ITFG1: variants seen among roughly 807,000 people sequenced by gnomAD.
The protein encoded by ITFG1 is T-cell immunomodulatory protein.
Under a neutral mutation model 81.8 loss-of-function variants are expected in ITFG1, and 34 were observed. The observed-to-expected ratio is 0.42, with a 90% CI of 0.32 to 0.55. The LOEUF is 0.55. ITFG1 is among the 20% of genes least tolerant of loss of function. The probability of loss-of-function intolerance (pLI) is 0.17; values close to 1 mark genes in which losing one functional copy is unlikely to be tolerated. For synonymous variants in ITFG1, 285 were observed against 270.6 expected (o/e 1.05, Z -0.52); for missense variants, 672 against 755.4 (o/e 0.89, Z 1.29).
intron 8 of ITFG1, among the ~76,000 whole-genome samples, chr16:47,351,194 TTG>T (rs1967948669): frequency 6.6e-6 from 1 of 152,138 alleles, no homozygotes; most frequent in Non-Finnish European, 1.5e-5. Flanking sequence ...CAACATAGTG[TTG>T]GAAGTTCTGG....
intron 10 of ITFG1, among the ~76,000 whole-genome samples, chr16:47,286,077 T>C (rs17811404): frequency 0.017 from 2,562 of 152,198 alleles, 23 homozygotes; most frequent in Middle Eastern, 0.031. Flanking sequence ...TTGGGGCAAG[T>C]TGGGTTCCCT....
chr16:47,402,970 T>C (rs1567487856), intron 6 of ITFG1, among the ~76,000 whole-genome samples: 1 of 152,204 alleles, frequency 6.6e-6, no homozygotes, highest in Non-Finnish European at 1.5e-5. Flanking sequence ...ACTGCACTAT[T>C]ATAATAAGAA....
intron 6 of ITFG1, among the ~76,000 whole-genome samples, chr16:47,385,454 TA>T (rs1347425334): frequency 6.6e-6 from 1 of 152,206 alleles, no homozygotes. Flanking sequence ...AAGTAGTCCC[TA>T]AACTTAATAT....
intron 8 of ITFG1, among the ~76,000 whole-genome samples, chr16:47,361,405 T>A (rs1968107388): frequency 6.6e-6 from 1 of 152,186 alleles, no homozygotes; most frequent in Admixed American, 6.5e-5. Context: ...ATTGACTTTT[T>A]GTCCTATATA....
chr16:47,185,382 T>C (rs1453410499), intron 14 of ITFG1, among the ~76,000 whole-genome samples: 1 of 151,448 alleles, frequency 6.6e-6, no homozygotes, highest in Non-Finnish European at 1.5e-5. Flanking sequence ...TGGAAGTAAA[T>C]GTAAAAGAAC....
At chr16:47,175,671 GT>G (rs1965016360) in intron 14 of ITFG1, among the ~76,000 whole-genome samples, 2 of 152,152 alleles carry the variant, frequency 1.3e-5, no homozygotes, top group African/African-American at 4.8e-5. Context: ...TATTTGTGGG[GT>G]CTTATGATAC....
intron 12 of ITFG1, among the ~76,000 whole-genome samples, chr16:47,239,263 C>G (rs1003122362): frequency 6.6e-6 from 1 of 151,752 alleles, no homozygotes; most frequent in Non-Finnish European, 1.5e-5. Context: ...TGCAGTGGCA[C>G]GATCTTGGCT....
intron 6 of ITFG1, among the ~76,000 whole-genome samples, chr16:47,392,227 C>T (rs556739689): frequency 1.6e-4 from 24 of 151,906 alleles, no homozygotes; most frequent in African/African-American, 5.5e-4. Flanking sequence ...CAGCACCAGG[C>T]AACATAAAGA....
chr16:47,271,390 C>G (rs1966338296), intron 10 of ITFG1, among the ~76,000 whole-genome samples: 1 of 152,162 alleles, frequency 6.6e-6, no homozygotes, highest in African/African-American at 2.4e-5. Context: ...CATTAGACAA[C>G]TGCAAATCAA....
At chr16:47,458,423 T>C (rs1163335805) in intron 2 of ITFG1, among the ~76,000 whole-genome samples, 1 of 152,186 alleles carries the variant, frequency 6.6e-6, no homozygotes, top group Non-Finnish European at 1.5e-5. Context: ...TCAAGTTCCA[T>C]GACTCTGGAA....
At chr16:47,399,298 G>A (rs1968629628) in intron 6 of ITFG1, among the ~76,000 whole-genome samples, 1 of 152,226 alleles carries the variant, frequency 6.6e-6, no homozygotes, top group Admixed American at 6.5e-5. Flanking sequence ...AAGTGGCCGG[G>A]TGCAGTGGCT....
chr16:47,337,160 GA>G (rs1426922111), intron 8 of ITFG1, among the ~76,000 whole-genome samples: 5 of 142,986 alleles, frequency 3.5e-5, no homozygotes, highest in South Asian at 4.6e-4. Context: ...AAAAGAAAAA[GA>G]AAAAAAAAGA....
At chr16:47,198,307 G>T (rs181293614) in intron 14 of ITFG1, among the ~76,000 whole-genome samples, 1 of 152,230 alleles carries the variant, frequency 6.6e-6, no homozygotes, top group East Asian at 1.9e-4. Context: ...AAAAGATGGT[G>T]GTCCCATAAA....
chr16:47,403,957 G>GTTCC, intron 6 of ITFG1, among the ~76,000 whole-genome samples: 1 of 151,604 alleles, frequency 6.6e-6, no homozygotes, highest in East Asian at 1.9e-4. Context: ...CAAGCTCAGG[G>GTTCC]TTCCCACTGA....
chr16:47,445,599 T>C (rs1183361636), intron 5 of ITFG1, among the ~76,000 whole-genome samples: 1 of 152,210 alleles, frequency 6.6e-6, no homozygotes, highest in Non-Finnish European at 1.5e-5. Flanking sequence ...GCATTCAATT[T>C]TGCCGTGCCT....
intron 13 of ITFG1, among the ~76,000 whole-genome samples, chr16:47,226,628 T>G (rs1965761536): frequency 1.3e-5 from 2 of 150,128 alleles, no homozygotes; most frequent in Admixed American, 1.3e-4. Flanking sequence ...CGGTGTTTGG[T>G]TTTTTCTCCT....
chr16:47,256,248 T>G (rs554226505), intron 12 of ITFG1, among the ~76,000 whole-genome samples: 4 of 152,312 alleles, frequency 2.6e-5, no homozygotes, highest in African/African-American at 9.6e-5. Flanking sequence ...GACTGATTTT[T>G]TTTTGAGATG....
At chr16:47,327,272 A>T (rs1328318973) in intron 8 of ITFG1, among the ~76,000 whole-genome samples, 1 of 152,248 alleles carries the variant, frequency 6.6e-6, no homozygotes, top group Admixed American at 6.5e-5. Context: ...GGCTAGCCAT[A>T]TATAGAAAGC....
chr16:47,222,182 G>A (rs1173371472), intron 13 of ITFG1, among the ~76,000 whole-genome samples: 2 of 151,270 alleles, frequency 1.3e-5, no homozygotes, highest in African/African-American at 4.9e-5. Flanking sequence ...TGATGTTAGG[G>A]TGTCAATTTT....
Sources: gnomAD v4.1 joint callset for allele counts (sites outside exome capture counted in the v4.1 genomes callset) on GRCh38, gnomAD v4.1.1 for gene constraint, MANE v1.5 for transcripts, NCBI Gene and HGNC (gene_info 2026-07-23, HGNC 2026-07-21) for gene names.